Variants in NCAM2 observed in about 807,000 individuals in gnomAD.
NCAM2 encodes neural cell adhesion molecule 2.
NCAM2 carries 30 observed loss-of-function variants against 98.1 expected under a neutral mutation model. The observed-to-expected ratio is 0.31, with a 90% CI of 0.23 to 0.41. NCAM2 has a LOEUF of 0.41. NCAM2 is among the 10% of genes least tolerant of loss of function. The probability of loss-of-function intolerance (pLI) is 1.00; values close to 1 mark genes in which losing one functional copy is unlikely to be tolerated. For missense variants in NCAM2, 867 were observed against 1,005.8 expected, an observed-to-expected ratio of 0.86 and a Z score of 1.87; for synonymous variants, 368 against 342.4, an observed-to-expected ratio of 1.07 and a Z score of -0.83.
At chr21:21,480,050 A>G (rs1485268272) in intron 15 of NCAM2, among the ~76,000 whole-genome samples, 1 of 152,108 alleles carries the variant, frequency 6.6e-6, no homozygotes, top group African/African-American at 2.4e-5. Context: ...GGTAGAGAAG[A>G]CAGATATTCA....
At chr21:21,299,062 T>G (rs1456083229) in intron 5 of NCAM2, among the ~76,000 whole-genome samples, 5 of 151,622 alleles carry the variant, frequency 3.3e-5, no homozygotes, top group Non-Finnish European at 7.4e-5. Flanking sequence ...ACTGCAATAA[T>G]GCAAATTTTT....
chr21:21,273,506 G>A (rs1330999807), intron 1 of NCAM2, among the ~76,000 whole-genome samples: 1 of 152,096 alleles, frequency 6.6e-6, no homozygotes, highest in African/African-American at 2.4e-5. Context: ...AAAGAACAAA[G>A]TAGTTGGCAG....
At position 21,475,603 on chromosome 21, in the gene NCAM2, A is replaced by G. The variant is rs183219141; in HGVS notation, c.1897-1688A>G. On this transcript the variant is annotated intron_variant, in intron 14 of 17. Transcript: ENST00000400546. Reference sequence around the variant, plus strand: ...CATTGATTAACTTAGAAAAGTTACAACCTCTCTTCTCAGTTATTCCATCGT... The same window carrying G: ...CATTGATTAACTTAGAAAAGTTACAGCCTCTCTTCTCAGTTATTCCATCGT... Among the ~76,000 whole-genome samples, 42 of 152,228 alleles carry G rather than the reference A, an allele frequency of 2.8e-4. No homozygotes were observed. The East Asian group carries it at 7.7e-3, about 28-fold the overall frequency.
intron 1 of NCAM2, among the ~76,000 whole-genome samples, chr21:21,107,529 A>G (rs2066373612): frequency 6.6e-6 from 1 of 152,066 alleles, no homozygotes; most frequent in Non-Finnish European, 1.5e-5. Flanking sequence ...TCTACATATT[A>G]ACTATCTTAG....
At chr21:21,073,619 T>C (rs767646052) in intron 1 of NCAM2, among the ~76,000 whole-genome samples, 4 of 152,222 alleles carry the variant, frequency 2.6e-5, no homozygotes, top group Non-Finnish European at 5.9e-5. Flanking sequence ...TGCTATGACA[T>C]GTACAACAGA....
intron 14 of NCAM2, among the ~76,000 whole-genome samples, chr21:21,470,792 TAATC>T (rs768255989): frequency 2.6e-5 from 4 of 151,932 alleles, no homozygotes; most frequent in Non-Finnish European, 4.4e-5. Flanking sequence ...AATTGTCTGA[TAATC>T]AATCAATTAC....
chr21:21,460,570 G>T (rs1982825841), intron 12 of NCAM2, among the ~76,000 whole-genome samples: 1 of 151,928 alleles, frequency 6.6e-6, no homozygotes, highest in African/African-American at 2.4e-5. Flanking sequence ...GATTTAACAA[G>T]TGCTCTCATT....
chr21:21,101,770 A>G (rs2066245701), intron 1 of NCAM2, among the ~76,000 whole-genome samples: 1 of 152,104 alleles, frequency 6.6e-6, no homozygotes, highest in South Asian at 2.1e-4. Flanking sequence ...CTTAAGACCT[A>G]TACACAAAAA....
intron 6 of NCAM2, among the ~76,000 whole-genome samples, chr21:21,331,891 C>A (rs2074719755): frequency 7.1e-6 from 1 of 139,930 alleles, no homozygotes; most frequent in Non-Finnish European, 1.6e-5. Context: ...CTGGCCGTAT[C>A]CTGGGAATTT....
At chr21:21,001,445 A>C (rs958811869) in intron 1 of NCAM2, among the ~76,000 whole-genome samples, 1 of 152,168 alleles carries the variant, frequency 6.6e-6, no homozygotes, top group African/African-American at 2.4e-5. Flanking sequence ...AACTTTTGCA[A>C]TTATTTTTCC....
At chr21:21,092,729 T>C (rs950857897) in intron 1 of NCAM2, among the ~76,000 whole-genome samples, 2 of 151,962 alleles carry the variant, frequency 1.3e-5, no homozygotes, top group African/African-American at 4.8e-5. Flanking sequence ...CAGACATATA[T>C]ATAAATGTGA....
intron 1 of NCAM2, among the ~76,000 whole-genome samples, chr21:21,097,428 GTTT>G (rs1479616134): frequency 6.6e-6 from 1 of 151,652 alleles, no homozygotes; most frequent in Non-Finnish European, 1.5e-5. Flanking sequence ...ATTGAGGACT[GTTT>G]TTATTATTGG....
chr21:21,466,685 A>C lies in NCAM2; in HGVS notation c.1734A>C (p.Gly578=), dbSNP rs764966601. ...CAGCTGTAAATGGAAAGGGACAAGG[A>C]GACTACAGTAAAATAGAAATCTTCC... is the stretch of plus-strand genomic sequence containing the variant. ...RVAAVNGKGQ[G]DYSKIEIFQT... Residue 578 remains glycine (G), a synonymous_variant, in exon 13 of 18, where the codon GGA becomes GGC. Coordinates refer to ENST00000400546, the MANE Select transcript of NCAM2 (RefSeq NM_004540.5). The C allele has an allele frequency of 1.2e-6, 2 of 1,610,032 alleles. No individual in the cohort carries two copies. Among genetic ancestry groups the C allele is most frequent in the South Asian group, 2.2e-5 (2 of 90,822 alleles).
At chr21:21,040,505 T>C (rs949982059) in intron 1 of NCAM2, among the ~76,000 whole-genome samples, 4 of 152,074 alleles carry the variant, frequency 2.6e-5, no homozygotes, top group African/African-American at 9.7e-5. Context: ...CAATATTCTA[T>C]AGTAAGTGCT....
chr21:21,529,974 T>C (rs938623968), intron 16 of NCAM2, among the ~76,000 whole-genome samples: 2 of 149,972 alleles, frequency 1.3e-5, no homozygotes, highest in Non-Finnish European at 3.0e-5. Flanking sequence ...ACATAACATA[T>C]ATTAGCGTTT....
chr21:21,048,182 C>T (rs1318979088), intron 1 of NCAM2, among the ~76,000 whole-genome samples: 3 of 152,140 alleles, frequency 2.0e-5, no homozygotes, highest in African/African-American at 4.8e-5. Context: ...TGAGAGCTTC[C>T]TCTGTACAAT....
chr21:21,113,310 C>T (rs1403761505), intron 1 of NCAM2, among the ~76,000 whole-genome samples: 1 of 152,136 alleles, frequency 6.6e-6, no homozygotes, highest in African/African-American at 2.4e-5. Flanking sequence ...TCATTTTATT[C>T]TTCACTGTCA....
At chr21:21,329,364 C>T (rs2074609707) in intron 6 of NCAM2, among the ~76,000 whole-genome samples, 4 of 152,006 alleles carry the variant, frequency 2.6e-5, no homozygotes, top group African/African-American at 9.7e-5. Flanking sequence ...AGTAACATAC[C>T]GTACAAGTTT....
chr21:21,303,860 C>T (rs2073801715), intron 5 of NCAM2, among the ~76,000 whole-genome samples: 1 of 152,090 alleles, frequency 6.6e-6, no homozygotes. Context: ...ATTTGCATTT[C>T]CCTAATGCCT....
Sources: gnomAD v4.1 joint callset for allele counts (sites outside exome capture counted in the v4.1 genomes callset) on GRCh38, gnomAD v4.1.1 for gene constraint, MANE v1.5 for transcripts, NCBI Gene and HGNC (gene_info 2026-07-23, HGNC 2026-07-21) for gene names.